STRN3: variants seen among roughly 807,000 people sequenced by gnomAD.
The protein encoded by STRN3 is striatin 3.
A neutral mutation model predicts 95.6 loss-of-function variants in STRN3; 29 were observed. The ratio of observed to expected loss-of-function variants is 0.30; its 90% CI spans 0.23 to 0.41. STRN3 has a LOEUF of 0.41. Among genes scored for constraint, STRN3 ranks in the 10% least tolerant of loss-of-function variants. The probability of loss-of-function intolerance (pLI) is 1.00; values close to 1 mark genes in which losing one functional copy is unlikely to be tolerated. For missense variants in STRN3, 890 were observed against 972.1 expected (o/e 0.92, Z 1.12); for synonymous variants, 331 against 357.6 (o/e 0.93, Z 0.84).
chr14:31,014,544 T>A (rs571390749), intron 1 of STRN3: 1 of 364,830 alleles, frequency 2.7e-6, no homozygotes, highest in African/African-American at 2.3e-5. Flanking sequence ...TTAATAGGAA[T>A]TTTTACGTCT....
rs74953409 is a variant in STRN3, at chr14:30,978,387, T to C, written c.283-22145A>G. Among the ~76,000 whole-genome samples, 277 of 152,164 alleles carry C rather than the reference T, an allele frequency of 1.8e-3. 5 individuals carry two copies. The East Asian group carries it at 0.032, about 17-fold the overall frequency. On this transcript the variant is annotated intron_variant, in intron 1 of 17. Transcript: ENST00000357479. ...AAACAAGCTGAAGAAGAAATATCAATAGATACAGAAAAGAACAAAATCTTA... is the reference window on the plus strand; with the variant it reads ...AAACAAGCTGAAGAAGAAATATCAACAGATACAGAAAAGAACAAAATCTTA...
At chr14:30,938,448 T>C (rs1878933587) in intron 5 of STRN3, among the ~76,000 whole-genome samples, 2 of 152,224 alleles carry the variant, frequency 1.3e-5, no homozygotes, top group South Asian at 2.1e-4. Context: ...TTTTTAAAGA[T>C]ATATTTGTTT....
chr14:30,998,722 A>G (rs1452712937), intron 1 of STRN3, among the ~76,000 whole-genome samples: 5 of 151,378 alleles, frequency 3.3e-5, no homozygotes, highest in Admixed American at 6.6e-5. Context: ...AACCACAGAC[A>G]ACAAAAAATA....
At chr14:30,993,121 T>G (rs1882038796) in intron 1 of STRN3, among the ~76,000 whole-genome samples, 1 of 152,126 alleles carries the variant, frequency 6.6e-6, no homozygotes, top group Non-Finnish European at 1.5e-5. Flanking sequence ...ACTAGCCAGG[T>G]AGGCTGGCAT....
rs574400232 is a variant in STRN3, at chr14:30,900,496, C to T, written c.2137+2040G>A. On this transcript the variant is annotated intron_variant, in intron 16 of 17. Coordinates refer to ENST00000357479, the MANE Select transcript of STRN3 (RefSeq NM_001083893.2). ...AGGCACAGTGGCTTACGCCTGTAAT[C>T]CCAGAACTTTGGGAGACTGAGGCGG... Among the ~76,000 whole-genome samples the T allele has an allele frequency of 3.3e-5, 5 of 149,932 alleles. No individual in the cohort carries two copies. In the South Asian group the frequency reaches 1.1e-3, roughly 32 times the overall value.
intron 14 of STRN3, 28 bp downstream of exon 14, chr14:30,906,848 CT>C (rs747613272): frequency 1.3e-6 from 2 of 1,589,260 alleles, no homozygotes; most frequent in South Asian, 2.3e-5. Context: ...AAAAAACTAA[CT>C]TTTCTCACAG....
chr14:30,949,127 C>T (rs1204038721), intron 4 of STRN3, among the ~76,000 whole-genome samples: 1 of 152,198 alleles, frequency 6.6e-6, no homozygotes, highest in Non-Finnish European at 1.5e-5. Context: ...AGAGGGCCTC[C>T]AAGCTATCCT....
chr14:30,963,447 C>T (rs112958100), intron 1 of STRN3, among the ~76,000 whole-genome samples: 14,634 of 152,206 alleles, frequency 0.096, 764 homozygotes, highest in South Asian at 0.16. Context: ...CTCATTCTAT[C>T]ACCCAGGCTG....
intron 1 of STRN3, among the ~76,000 whole-genome samples, chr14:30,970,258 G>A (rs1429767757): frequency 2.0e-5 from 3 of 152,130 alleles, no homozygotes; most frequent in Non-Finnish European, 4.4e-5. Flanking sequence ...ATGGGCATTA[G>A]TAAATTGGGA....
intron 3 of STRN3, among the ~76,000 whole-genome samples, chr14:30,953,448 A>T (rs1879750804): frequency 6.6e-6 from 1 of 152,222 alleles, no homozygotes; most frequent in South Asian, 2.1e-4. Flanking sequence ...TTTTGTTGCT[A>T]AACAGCATTC....
At chr14:30,925,882 G>A (rs78149226) in intron 8 of STRN3, among the ~76,000 whole-genome samples, 6,490 of 152,070 alleles carry the variant, frequency 0.043, 174 homozygotes, top group Non-Finnish European at 0.063. Context: ...ACAAAGCTAC[G>A]TAAGGAGAAC....
At chr14:30,996,394 T>C (rs1009540737) in intron 1 of STRN3, among the ~76,000 whole-genome samples, 5 of 152,226 alleles carry the variant, frequency 3.3e-5, no homozygotes, top group African/African-American at 1.2e-4. Flanking sequence ...ATGTAGTAGC[T>C]GGCAAACCTT....
intron 1 of STRN3, among the ~76,000 whole-genome samples, chr14:31,013,863 T>TTTA (rs548417882): frequency 0.082 from 6,556 of 80,354 alleles, 190 homozygotes; most frequent in Non-Finnish European, 0.088. Flanking sequence ...TCAAAGCAAT[T>TTTA]TTATTATTAT....
intron 6 of STRN3, among the ~76,000 whole-genome samples, chr14:30,936,196 G>A (rs1281530899): frequency 3.3e-5 from 5 of 152,190 alleles, no homozygotes; most frequent in Non-Finnish European, 7.3e-5. Flanking sequence ...TGAAGAGACA[G>A]ACTTCAGCAG....
intron 1 of STRN3, among the ~76,000 whole-genome samples, chr14:30,957,355 A>G (rs970397460): frequency 6.7e-6 from 1 of 149,324 alleles, no homozygotes; most frequent in African/African-American, 2.5e-5. Context: ...CGGGAGGGTG[A>G]GGCAGAAGAA....
chr14:30,929,967 A>AAAAAAAAAAAAACAAAAAAAAAC (rs1555317337), intron 7 of STRN3, among the ~76,000 whole-genome samples: 2 of 91,122 alleles, frequency 2.2e-5, no homozygotes, highest in Non-Finnish European at 4.5e-5. Flanking sequence ...AAAAAAAAAA[A>AAAAAAAAAAAAACAAAAAAAAAC]AAAAAAAAAA....
intron 16 of STRN3, among the ~76,000 whole-genome samples, chr14:30,896,785 TC>T (rs1234137842): frequency 6.6e-6 from 1 of 152,130 alleles, no homozygotes. Context: ...ACTCTAGATT[TC>T]CCCAGATATT....
At chr14:30,996,638 C>T (rs975823377) in intron 1 of STRN3, among the ~76,000 whole-genome samples, 2 of 152,058 alleles carry the variant, frequency 1.3e-5, no homozygotes, top group Non-Finnish European at 2.9e-5. Flanking sequence ...GAGGCCAAGG[C>T]GGGTGGATCA....
Position 30,895,464 on chromosome 14 carries a change from T to C in STRN3, c.2341A>G (p.Lys781Glu), listed in dbSNP as rs758369484. 1 of 1,614,068 alleles carries C rather than the reference T, an allele frequency of 6.2e-7. No homozygotes were observed. ...SIYDVAFHSSKAYIASAGADA... is the reference protein window; with the variant it reads ...SIYDVAFHSSEAYIASAGADA... ...GCTCCTGCACTAGCTATATATGCTT[T>C]TGACGAGTGGAAAGCAACATCATAA... The change falls in exon 18 of 18, where the codon AAA (lysine) becomes GAA (glutamate). Residue 781 changes from lysine (K) to glutamate (E), a missense_variant. Transcript: ENST00000357479.
Sources: allele counts gnomAD v4.1 joint callset (sites outside exome capture counted in the v4.1 genomes callset), GRCh38; gene constraint gnomAD v4.1.1; transcripts MANE v1.5; gene names NCBI Gene and HGNC (gene_info 2026-07-23, HGNC 2026-07-21).